Variants in HIVEP3 observed in about 807,000 individuals in gnomAD.
HIVEP3 encodes the protein transcription factor HIVEP3.
In HIVEP3, 49 loss-of-function variants were observed where a neutral mutation model predicts 152.8. The observed-to-expected ratio is 0.32, with a 90% CI of 0.26 to 0.41. The LOEUF (loss-of-function observed/expected upper bound fraction) is 0.41. Ranked by LOEUF, HIVEP3 falls within the 10% of genes least tolerant of loss-of-function variation. The probability of loss-of-function intolerance (pLI) is 1.00; values close to 1 mark genes in which losing one functional copy is unlikely to be tolerated. For missense variants in HIVEP3, 2,790 were observed against 3,103.3 expected (o/e 0.90, Z 2.40); for synonymous variants, 1,269 against 1,289.0 (o/e 0.98, Z 0.33).
intron 6 of HIVEP3, among the ~76,000 whole-genome samples, chr1:41,522,028 G>A (rs1642772420): frequency 6.6e-6 from 1 of 152,382 alleles, no homozygotes; most frequent in Non-Finnish European, 1.5e-5. Flanking sequence ...TCTGACACAA[G>A]AGACGAGACA....
chr1:41,933,216 A>G (rs180815134), intron 1 of HIVEP3, among the ~76,000 whole-genome samples: 4 of 152,164 alleles, frequency 2.6e-5, no homozygotes, highest in African/African-American at 9.6e-5. Flanking sequence ...TATATTTTTG[A>G]TGATTTTCTT....
At position 41,936,873 on chromosome 1, in the gene HIVEP3, C is replaced by T. The variant is rs552010528; in HGVS notation, n.120-18349G>A. On this transcript the variant is annotated intron_variant and non_coding_transcript_variant, in intron 1 of 3. Transcript: ENST00000489103. ...TCTATTAATAATTACACTATAATCA[C>T]TGGTATAAGCCAGGGCTGTCCTAGG... Among the ~76,000 whole-genome samples, 3 of 152,282 alleles carry T rather than the reference C, an allele frequency of 2.0e-5. No individual in the cohort carries two copies. The South Asian group carries it at 6.2e-4, about 32-fold the overall frequency.
rs540492114 is a variant in HIVEP3, at chr1:41,986,141, A to G, written n.119+49666T>C. 3.3e-4 allele frequency among the ~76,000 whole-genome samples: 51 copies of G among 152,298 alleles called. No homozygotes were observed. The South Asian group carries it at 9.7e-3, about 29-fold the overall frequency. ...TCATCTTTAAAATCAAGGGAAGAGA[A>G]TGTCCTGCTCTCTAAGGCCCTTTCA... is the stretch of plus-strand genomic sequence containing the variant. On this transcript the variant is annotated intron_variant and non_coding_transcript_variant, in intron 1 of 3. Coordinates refer to the HIVEP3 transcript ENST00000489103.
intron 1 of HIVEP3, among the ~76,000 whole-genome samples, chr1:41,779,515 C>T (rs529226434): frequency 7.0e-4 from 106 of 152,284 alleles, no homozygotes; most frequent in African/African-American, 2.1e-3. Flanking sequence ...TCTTTTGAGA[C>T]GGAGTCTCCC....
intron 1 of HIVEP3, among the ~76,000 whole-genome samples, chr1:41,881,145 T>C (rs1644254598): frequency 6.6e-6 from 1 of 152,204 alleles, no homozygotes; most frequent in African/African-American, 2.4e-5. Context: ...ACAGTGCTGA[T>C]AGATTAGACA....
intron 1 of HIVEP3, among the ~76,000 whole-genome samples, chr1:41,963,306 C>T (rs992528723): frequency 4.6e-5 from 7 of 152,164 alleles, no homozygotes; most frequent in African/African-American, 7.2e-5. Context: ...CCACCGCGCC[C>T]GGCCAAAAGT....
Position 41,707,684 on chromosome 1 carries a change from C to T in HIVEP3, c.-800-6689G>A, listed in dbSNP as rs112547552. Reference sequence around the variant, plus strand: ...GGGGGATCTTGGGTCAGATTTGAATCCTGCTCTGCTACTTATTAGCTGTGC... The same window carrying T: ...GGGGGATCTTGGGTCAGATTTGAATTCTGCTCTGCTACTTATTAGCTGTGC... On this transcript the variant is annotated intron_variant, in intron 1 of 8. Coordinates refer to ENST00000372583, the MANE Select transcript of HIVEP3 (RefSeq NM_024503.5). Among the ~76,000 whole-genome samples the T allele has an allele frequency of 2.1e-3, 314 of 152,302 alleles. 2 individuals carry two copies. The highest frequency in any genetic ancestry group is 6.9e-3 in the African/African-American group (286 of 41,558).
At chr1:41,838,498 C>T (rs1380585729) in intron 1 of HIVEP3, among the ~76,000 whole-genome samples, 2 of 152,116 alleles carry the variant, frequency 1.3e-5, no homozygotes, top group African/African-American at 2.4e-5. Flanking sequence ...TGGTCGGCCT[C>T]GGATCTGGCC....
Position 41,510,935 on chromosome 1 carries a change from G to A in HIVEP3, c.6737C>T (p.Pro2246Leu), listed in dbSNP as rs1426394921. The A allele has an allele frequency of 6.2e-7, 1 of 1,613,468 alleles. No homozygotes were observed. The highest frequency in any genetic ancestry group is 1.3e-5 in the African/African-American group (1 of 74,918). ...CACGGAGGCTGACGAGCTCTCAGTG[G>A]GACTCCAGCGGCCTCGCTCCTGGGC... Reference protein sequence around the residue: ...REAQERGRWSPTESSSASVSP... With the variant: ...REAQERGRWSLTESSSASVSP... The change falls in exon 9 of 9, where the codon CCC becomes CTC. Residue 2246 changes from proline (P) to leucine (L), a missense_variant. Physicochemically the swap from Pro to Leu is moderately conservative, Grantham distance 98. Transcript: ENST00000372583.
chr1:41,973,101 G>A (rs1318447120), intron 1 of HIVEP3, among the ~76,000 whole-genome samples: 2 of 151,956 alleles, frequency 1.3e-5, no homozygotes, highest in Non-Finnish European at 2.9e-5. Context: ...AGCACACAGT[G>A]TGGTCTGGAA....
chr1:41,527,538 C>T (rs374477497), intron 5 of HIVEP3, among the ~76,000 whole-genome samples: 1,452 of 136,876 alleles, frequency 0.011, 14 homozygotes, highest in South Asian at 0.023. Context: ...CTCACCCTCA[C>T]GTATACACCC....
intron 1 of HIVEP3, among the ~76,000 whole-genome samples, chr1:41,874,540 C>G (rs983266073): frequency 1.3e-5 from 2 of 152,200 alleles, no homozygotes; most frequent in African/African-American, 4.8e-5. Context: ...CAAACGCTTT[C>G]CTGCCCTTGC....
intron 1 of HIVEP3, among the ~76,000 whole-genome samples, chr1:41,737,561 T>G (rs543620988): frequency 3.9e-5 from 6 of 152,350 alleles, no homozygotes; most frequent in South Asian, 2.1e-4. Flanking sequence ...TCCCACCAGC[T>G]GCTAAACACC....
At chr1:41,617,295 C>T (rs1201880845) in intron 3 of HIVEP3, among the ~76,000 whole-genome samples, 1 of 152,164 alleles carries the variant, frequency 6.6e-6, no homozygotes, top group Non-Finnish European at 1.5e-5. Context: ...AAACATGGAT[C>T]AATGTGTGTG....
intron 5 of HIVEP3, among the ~76,000 whole-genome samples, chr1:41,572,840 T>C (rs1241808613): frequency 6.6e-6 from 1 of 152,252 alleles, no homozygotes; most frequent in Non-Finnish European, 1.5e-5. Flanking sequence ...TCAAAAACAC[T>C]GTTGAGTAAA....
rs186596282 is a variant in HIVEP3 at position 41,771,296 on chromosome 1, A to C, written c.-800-70301T>G. Among the ~76,000 whole-genome samples the C allele has an allele frequency of 7.4e-3, 1,113 of 150,490 alleles. 6 individuals carry two copies. Among genetic ancestry groups the C allele is most frequent in the African/African-American group, 0.024 (970 of 40,980 alleles). On this transcript the variant is annotated intron_variant, in intron 1 of 8. Coordinates refer to ENST00000372583, the MANE Select transcript of HIVEP3 (RefSeq NM_024503.5). ...TACCTCCCCACCTCCCCCCACCCCC[A>C]AAAAATTAATTTACTAAAAAATAAT...
chr1:41,522,290 C>T (rs779098197), intron 6 of HIVEP3, among the ~76,000 whole-genome samples: 1 of 152,258 alleles, frequency 6.6e-6, no homozygotes, highest in Non-Finnish European at 1.5e-5. Context: ...CCCCATACTG[C>T]AGAGAGAGTT....
chr1:41,555,794 T>C (rs146668458), intron 5 of HIVEP3, among the ~76,000 whole-genome samples: 103 of 152,314 alleles, frequency 6.8e-4, no homozygotes, highest in Admixed American at 4.1e-3. Flanking sequence ...CCCCATCTCC[T>C]CCTTCCTCCA....
intron 1 of HIVEP3, among the ~76,000 whole-genome samples, chr1:42,008,741 A>G (rs971511788): frequency 5.9e-5 from 9 of 152,220 alleles, no homozygotes; most frequent in African/African-American, 1.9e-4. Context: ...TACAGCAGAC[A>G]CTACTGGCTG....
Sources: gnomAD v4.1 joint callset for allele counts (sites outside exome capture counted in the v4.1 genomes callset) on GRCh38, gnomAD v4.1.1 for gene constraint, MANE v1.5 for transcripts, NCBI Gene and HGNC (gene_info 2026-07-23, HGNC 2026-07-21) for gene names.